The following ATXN10 variants were observed in gnomAD, a reference collection of about 807,000 sequenced individuals.
ATXN10 encodes ataxin-10.
In ATXN10, 28 loss-of-function variants were observed where a neutral mutation model predicts 52.9. The ratio of observed to expected loss-of-function variants is 0.53; its 90% CI spans 0.39 to 0.73. The LOEUF (loss-of-function observed/expected upper bound fraction) is 0.73. ATXN10 is among the 30% of genes least tolerant of loss of function. ATXN10 has a pLI of 0.00. For synonymous variants in ATXN10, 226 were observed against 221.5 expected (o/e 1.02, Z -0.18); for missense variants, 565 against 577.0 (o/e 0.98, Z 0.21).
chr22:45,721,600 A>C (rs1227006778), intron 6 of ATXN10, among the ~76,000 whole-genome samples: 1 of 152,170 alleles, frequency 6.6e-6, no homozygotes, highest in African/African-American at 2.4e-5. Flanking sequence ...TTCTGCTTCC[A>C]TGCTCTTACT....
intron 5 of ATXN10, among the ~76,000 whole-genome samples, chr22:45,703,090 G>A (rs774921952): frequency 6.6e-6 from 1 of 152,126 alleles, no homozygotes; most frequent in Non-Finnish European, 1.5e-5. Flanking sequence ...GGTGAGGAGC[G>A]GGAAAGACAT....
rs368159684 is a variant in ATXN10, at chr22:45,688,925, A to T, written c.117-787A>T. On this transcript the variant is annotated intron_variant, in intron 1 of 11. Transcript: ENST00000252934. This position sits in a 1 kb window ranked among gnomAD's most constrained non-coding sequence, Gnocchi z 4.0. ...GTGCAATGTTGCACAAAAAATTCTT[A>T]TCTTTAGAGCTCTGGAATGATAGCC... Among the ~76,000 whole-genome samples, 6 of 152,146 alleles carry T rather than the reference A, an allele frequency of 3.9e-5. No homozygotes were observed. The highest frequency in any genetic ancestry group is 1.2e-4 in the African/African-American group (5 of 41,428).
intron 10 of ATXN10, among the ~76,000 whole-genome samples, chr22:45,812,270 G>A (rs1049991204): frequency 6.6e-6 from 1 of 152,154 alleles, no homozygotes; most frequent in African/African-American, 2.4e-5. Context: ...TGGATTACCC[G>A]CTGGATTGCT....
chr22:45,686,435 T>C (rs1196165493), intron 1 of ATXN10, among the ~76,000 whole-genome samples: 1 of 152,188 alleles, frequency 6.6e-6, no homozygotes, highest in African/African-American at 2.4e-5. Flanking sequence ...TATTCCAGTC[T>C]TATGAACAGA....
chr22:45,738,555 G>T (rs377584939), intron 7 of ATXN10, 176 bp from the exon 8 acceptor site: 16 of 595,458 alleles, frequency 2.7e-5, no homozygotes, highest in Non-Finnish European at 4.7e-5. Flanking sequence ...ATGATGAGTC[G>T]TGTACATATT....
At position 45,818,434 on chromosome 22, in the gene ATXN10, T is replaced by C. The variant is rs1280917550; in HGVS notation, c.1237+11412T>C. Among the ~76,000 whole-genome samples the C allele has an allele frequency of 2.0e-5, 3 of 152,208 alleles. No individual in the cohort carries two copies. Among genetic ancestry groups the C allele is most frequent in the African/African-American group, 7.2e-5 (3 of 41,460 alleles). On this transcript the variant is annotated intron_variant, in intron 10 of 11. Coordinates refer to ENST00000252934, the MANE Select transcript of ATXN10 (RefSeq NM_013236.4). This position sits in a 1 kb window ranked among gnomAD's most constrained non-coding sequence, Gnocchi z 4.6. Reference sequence around the variant, plus strand: ...TCAGGAGTCAAAGCGCATCTGGTTCTGCTTGTCTGGTTTACCTGTGTTAAA... The same window carrying C: ...TCAGGAGTCAAAGCGCATCTGGTTCCGCTTGTCTGGTTTACCTGTGTTAAA...
At position 45,766,086 on chromosome 22, in the gene ATXN10, G is replaced by A. The variant is rs1926572666; in HGVS notation, c.1173+25548G>A. Among the ~76,000 whole-genome samples the A allele has an allele frequency of 6.6e-6, 1 of 152,210 alleles. No homozygotes were observed. The highest frequency in any genetic ancestry group is 2.4e-5 in the African/African-American group (1 of 41,450). On this transcript the variant is annotated intron_variant, in intron 9 of 11. Transcript: ENST00000252934. This position sits in a 1 kb window ranked among gnomAD's most constrained non-coding sequence, Gnocchi z 4.6. ...AATAGATTCAAATGTTTTTGGAAAT[G>A]TAGTGTATGATAAAGCTGGCATCTC...
chr22:45,804,065 G>C (rs1479865598), intron 9 of ATXN10, among the ~76,000 whole-genome samples: 2 of 152,092 alleles, frequency 1.3e-5, no homozygotes, highest in Non-Finnish European at 2.9e-5. Flanking sequence ...CTAAAAAAAG[G>C]CATAAGAATT....
intron 9 of ATXN10, among the ~76,000 whole-genome samples, chr22:45,799,633 A>G (rs1030144502): frequency 6.6e-6 from 1 of 152,174 alleles, no homozygotes; most frequent in East Asian, 1.9e-4. Context: ...CTCAGAAAGA[A>G]CCACCCTTGC....
chr22:45,842,612 C>T lies in ATXN10; in HGVS notation c.1238-379C>T, dbSNP rs1222106140. ...CTAGTGAGTCAGTAACATAATTATT[C>T]AACAAAGGAATGTGTGTGTGTGCAC... is the stretch of plus-strand genomic sequence containing the variant. On this transcript the variant is annotated intron_variant, in intron 10 of 11. Coordinates refer to ENST00000252934, the MANE Select transcript of ATXN10 (RefSeq NM_013236.4). This position sits in a 1 kb window ranked among gnomAD's most constrained non-coding sequence, Gnocchi z 4.8. 1.3e-5 allele frequency among the ~76,000 whole-genome samples: 2 copies of T among 152,094 alleles called. No individual in the cohort carries two copies. The highest frequency in any genetic ancestry group is 3.9e-4 in the East Asian group (2 of 5,178).
chr22:45,757,200 C>G lies in ATXN10; in HGVS notation c.1173+16662C>G, dbSNP rs942708343. ...GGCGGGGGTGTTGACAGGAAAAATC[C>G]GACTGGCGGCCTTGGAGCAGTTCGA... On this transcript the variant is annotated intron_variant, in intron 9 of 11. Transcript: ENST00000252934. This position sits in a 1 kb window ranked among gnomAD's most constrained non-coding sequence, Gnocchi z 4.6. Among the ~76,000 whole-genome samples, 1 of 152,090 alleles carries G rather than the reference C, an allele frequency of 6.6e-6. No homozygotes were observed. The highest frequency in any genetic ancestry group is 1.5e-5 in the Non-Finnish European group (1 of 68,022).
intron 2 of ATXN10, among the ~76,000 whole-genome samples, chr22:45,692,335 A>G (rs1923417448): frequency 6.6e-6 from 1 of 152,142 alleles, no homozygotes; most frequent in Admixed American, 6.5e-5. Context: ...ATATCTTTTT[A>G]TTGCATGCAA....
intron 9 of ATXN10, among the ~76,000 whole-genome samples, chr22:45,806,026 A>G (rs1056351657): frequency 1.3e-5 from 2 of 152,172 alleles, no homozygotes; most frequent in African/African-American, 2.4e-5. Context: ...AAAATAAACT[A>G]TGCTGTAGTG....
chr22:45,705,745 C>T lies in ATXN10; in HGVS notation c.647+2898C>T, dbSNP rs770636653. 2.6e-5 allele frequency among the ~76,000 whole-genome samples: 4 copies of T among 151,984 alleles called. No individual in the cohort carries two copies. Among genetic ancestry groups the T allele is most frequent in the Non-Finnish European group, 4.4e-5 (3 of 67,968 alleles). ...CACCGCGCCCGGCCTCCACTTGTTA[C>T]GGGTCTATTCAGATTGTTGTCTTCT... is the stretch of plus-strand genomic sequence containing the variant. On this transcript the variant is annotated intron_variant, in intron 5 of 11. Coordinates refer to ENST00000252934, the MANE Select transcript of ATXN10 (RefSeq NM_013236.4). This position sits in a 1 kb window ranked among gnomAD's most constrained non-coding sequence, Gnocchi z 5.2.
At position 45,837,973 on chromosome 22, in the gene ATXN10, G is replaced by A. The variant is rs968075438; in HGVS notation, c.1238-5018G>A. Reference sequence around the variant, plus strand: ...CAGTGACCAGAACAGAGTTCCTGTCGCCCTGGAGTCTACATTTAATGATGT... The same window carrying A: ...CAGTGACCAGAACAGAGTTCCTGTCACCCTGGAGTCTACATTTAATGATGT... On this transcript the variant is annotated intron_variant, in intron 10 of 11. Transcript: ENST00000252934. The surrounding 1 kb of genome is among the most constrained non-coding windows in gnomAD (Gnocchi z 5.8). Among the ~76,000 whole-genome samples the A allele has an allele frequency of 6.6e-6, 1 of 152,124 alleles. No individual in the cohort carries two copies.
intron 9 of ATXN10, among the ~76,000 whole-genome samples, chr22:45,779,849 GAAAC>G (rs1455431319): frequency 1.3e-5 from 2 of 151,996 alleles, no homozygotes; most frequent in East Asian, 3.9e-4. Flanking sequence ...ACTTTATTTG[GAAAC>G]ATGCCATTCT....
intron 7 of ATXN10, among the ~76,000 whole-genome samples, chr22:45,731,351 A>T (rs1269504011): frequency 6.6e-6 from 1 of 152,228 alleles, no homozygotes; most frequent in Non-Finnish European, 1.5e-5. Flanking sequence ...AGTGGAATTG[A>T]TTGCAGGGGA....
At chr22:45,791,430 A>G (rs548954231) in intron 9 of ATXN10, among the ~76,000 whole-genome samples, 3 of 151,928 alleles carry the variant, frequency 2.0e-5, no homozygotes, top group African/African-American at 4.8e-5. Flanking sequence ...GACATTTACT[A>G]TGGGTTTCTG....
In ATXN10 at chr22:45,823,760, G is replaced by A. The variant is rs2040075673; in HGVS notation, c.1237+16738G>A. On this transcript the variant is annotated intron_variant, in intron 10 of 11. Transcript: ENST00000252934. This position sits in a 1 kb window ranked among gnomAD's most constrained non-coding sequence, Gnocchi z 4.9. ...CAGGTGTTTATTGAGTAGCTGGCAT[G>A]TTATGTGCTGCACACTGTTCTAGCT... is the stretch of plus-strand genomic sequence containing the variant. Among the ~76,000 whole-genome samples the A allele has an allele frequency of 6.6e-6, 1 of 152,174 alleles. No individual in the cohort carries two copies. The highest frequency in any genetic ancestry group is 1.5e-5 in the Non-Finnish European group (1 of 68,032).
Sources: gnomAD v4.1 joint callset for allele counts (sites outside exome capture counted in the v4.1 genomes callset) on GRCh38, gnomAD v4.1.1 for gene constraint, Gnocchi (gnomAD v3.1) non-coding constraint, MANE v1.5 for transcripts, NCBI Gene and HGNC (gene_info 2026-07-23, HGNC 2026-07-21) for gene names.